The following CASD1 variants were observed in gnomAD, a reference collection of about 807,000 sequenced individuals.
CASD1 encodes the protein N-acetylneuraminate (7)9-O-acetyltransferase.
A neutral mutation model predicts 100.0 loss-of-function variants in CASD1; 41 were observed. That is an observed-to-expected ratio of 0.41 (90% confidence interval 0.32 to 0.53). The LOEUF (loss-of-function observed/expected upper bound fraction) is 0.53. Ranked by LOEUF, CASD1 falls within the 20% of genes least tolerant of loss-of-function variation. The pLI is 0.25. For synonymous variants in CASD1, 321 were observed against 315.6 expected (o/e 1.02, Z -0.18); for missense variants, 774 against 948.7 (o/e 0.82, Z 2.42).
chr7:94,564,283 A>G, the CASD1 span, among the ~76,000 whole-genome samples: 1 of 152,310 alleles, frequency 6.6e-6, no homozygotes, highest in South Asian at 2.1e-4. Flanking sequence ...AGCTTGTTGT[A>G]GTGTACTGAT....
the CASD1 span, among the ~76,000 whole-genome samples, chr7:94,581,839 T>C: frequency 1.9e-4 from 29 of 152,326 alleles, no homozygotes; most frequent in Non-Finnish European, 1.6e-4. Context: ...TGAACATACA[T>C]GTGCATGTAT....
rs557539560 is a variant in CASD1 at position 94,518,016 on chromosome 7, A to G, written c.231-187A>G. On this transcript the variant is annotated intron_variant, in intron 2 of 17. Transcript: ENST00000297273. ...TCTTAAACATGTAATGTATCGAGCT[A>G]TTACAGAGAGTTAACTGATTACAGG... is the stretch of plus-strand genomic sequence containing the variant. Among the ~76,000 whole-genome samples the G allele has an allele frequency of 2.0e-5, 3 of 152,292 alleles. No homozygotes were observed. The East Asian group carries it at 5.8e-4, about 29-fold the overall frequency.
chr7:94,614,094 C>A, the CASD1 span, among the ~76,000 whole-genome samples: 1 of 139,944 alleles, frequency 7.1e-6, no homozygotes, highest in Non-Finnish European at 1.5e-5. Flanking sequence ...TTTTCTTGTA[C>A]CCAAATTGAA....
At chr7:94,512,604 T>C (rs1324525310) in intron 1 of CASD1, among the ~76,000 whole-genome samples, 1 of 152,248 alleles carries the variant, frequency 6.6e-6, no homozygotes, top group African/African-American at 2.4e-5. Context: ...TGTCAGGGAC[T>C]GTTCTACTAA....
the CASD1 span, chr7:94,625,940 C>G: frequency 6.6e-6 from 1 of 152,014 alleles, no homozygotes; most frequent in Admixed American, 6.6e-5. Context: ...TAATAAGGTA[C>G]AGGGATACTC....
At chr7:94,633,928 C>T in the CASD1 span, among the ~76,000 whole-genome samples, 1 of 152,114 alleles carries the variant, frequency 6.6e-6, no homozygotes, top group Admixed American at 6.6e-5. Flanking sequence ...AGAACACTTG[C>T]CAGTTCTTTT....
chr7:94,570,707 CTGA>C, the CASD1 span, among the ~76,000 whole-genome samples: 58 of 152,148 alleles, frequency 3.8e-4, no homozygotes, highest in African/African-American at 1.4e-3. Flanking sequence ...GTTGGCCAGG[CTGA>C]TCTCCAACTC....
the CASD1 span, among the ~76,000 whole-genome samples, chr7:94,607,196 T>G: frequency 6.6e-6 from 1 of 152,122 alleles, no homozygotes. Flanking sequence ...TCCAGATGGG[T>G]TCACTGTTGA....
chr7:94,598,961 A>G, the CASD1 span: 1 of 1,612,520 alleles, frequency 6.2e-7, no homozygotes, highest in Non-Finnish European at 8.5e-7. Context: ...GACCAGTTGG[A>G]TGCTAGGTCA....
the CASD1 span, chr7:94,588,147 G>T: frequency 4.4e-6 from 5 of 1,128,858 alleles, 1 homozygote; most frequent in East Asian, 1.1e-4. Flanking sequence ...AAGAAATAAA[G>T]AAAGCAAGTC....
the CASD1 span, chr7:94,628,324 T>C: frequency 6.2e-7 from 1 of 1,610,990 alleles, no homozygotes. Context: ...CCCATTAAAT[T>C]TGTATTAAAT....
the CASD1 span, among the ~76,000 whole-genome samples, chr7:94,603,720 T>C: frequency 6.6e-6 from 1 of 152,126 alleles, no homozygotes; most frequent in Non-Finnish European, 1.5e-5. Context: ...TTTCATCCCA[T>C]TTATTTTCAT....
chr7:94,539,668 CAAAAAAA>C (rs71120400), intron 10 of CASD1, among the ~76,000 whole-genome samples: 3 of 119,756 alleles, frequency 2.5e-5, no homozygotes, highest in African/African-American at 7.2e-5. Flanking sequence ...GACTCCGTCT[CAAAAAAA>C]AAAAAAAAAG....
the CASD1 span, among the ~76,000 whole-genome samples, chr7:94,607,145 GAATCA>G: frequency 6.6e-6 from 1 of 152,046 alleles, no homozygotes; most frequent in African/African-American, 2.4e-5. Context: ...TAAGGAAATT[GAATCA>G]ATAATTAATA....
At chr7:94,548,629 A>G (rs995373437) in intron 13 of CASD1, among the ~76,000 whole-genome samples, 1 of 151,762 alleles carries the variant, frequency 6.6e-6, no homozygotes, top group African/African-American at 2.4e-5. Context: ...TAATATTATA[A>G]AGTTCTTCTG....
At chr7:94,598,121 GC>G in the CASD1 span, 1 of 156,270 alleles carries the variant, frequency 6.4e-6, no homozygotes, top group Non-Finnish European at 1.4e-5. Context: ...ATATGATGTA[GC>G]ATAATGCTGC....
intron 3 of CASD1, among the ~76,000 whole-genome samples, chr7:94,518,956 T>G (rs912676159): frequency 6.6e-6 from 1 of 152,118 alleles, no homozygotes; most frequent in Non-Finnish European, 1.5e-5. Flanking sequence ...TCTCTAAAAT[T>G]CAAATATTAG....
At chr7:94,517,419 G>A (rs2116197475) in intron 1 of CASD1, 141 bp from the exon 2 acceptor site, 1 of 514,902 alleles carries the variant, frequency 1.9e-6, no homozygotes, top group Middle Eastern at 5.1e-4. Flanking sequence ...TTTCTCATGA[G>A]TGGGAACTGT....
chr7:94,618,688 A>G, the CASD1 span: 3 of 1,306,652 alleles, frequency 2.3e-6, 1 homozygote, highest in South Asian at 3.7e-5. Context: ...TCTTCCATCT[A>G]TAATAAGTTT....
Sources: allele counts gnomAD v4.1 joint callset (sites outside exome capture counted in the v4.1 genomes callset), GRCh38; gene constraint gnomAD v4.1.1; transcripts MANE v1.5; gene names NCBI Gene and HGNC (gene_info 2026-07-23, HGNC 2026-07-21).